The following GCH1 variants were observed in gnomAD, a reference collection of about 807,000 sequenced individuals.
GCH1 encodes GTP cyclohydrolase 1.
GCH1 carries 5 observed loss-of-function variants against 25.9 expected under a neutral mutation model. The observed-to-expected ratio is 0.19, with a 90% CI of 0.10 to 0.41. The LOEUF is 0.41. Among genes scored for constraint, GCH1 ranks in the 10% least tolerant of loss-of-function variants. The pLI is 1.00. For missense variants in GCH1, 261 were observed against 336.5 expected (o/e 0.78, Z 1.75); for synonymous variants, 159 against 129.6 (o/e 1.23, Z -1.54).
intron 3 of GCH1, among the ~76,000 whole-genome samples, chr14:54,853,391 G>C (rs1331568088): frequency 6.6e-6 from 1 of 152,106 alleles, no homozygotes; most frequent in Non-Finnish European, 1.5e-5. Context: ...GCTCTTCCTA[G>C]AATAATGCTA....
At chr14:54,888,492 G>A (rs1320737184) in intron 1 of GCH1, among the ~76,000 whole-genome samples, 8 of 151,140 alleles carry the variant, frequency 5.3e-5, no homozygotes, top group African/African-American at 1.9e-4. Flanking sequence ...CATTACAGCA[G>A]CACAAAGCTT....
chr14:54,883,833 G>A (rs2040309441), intron 1 of GCH1, among the ~76,000 whole-genome samples: 1 of 152,156 alleles, frequency 6.6e-6, no homozygotes, highest in Admixed American at 6.5e-5. Context: ...GCCTGGGGCA[G>A]GGGTGGGGTG....
In GCH1 at chr14:54,842,788, C is replaced by G. The variant is rs554045962; in HGVS notation, c.*1229G>C. 2 of 398,370 alleles carry G rather than the reference C, an allele frequency of 5.0e-6. No individual in the cohort carries two copies. Among genetic ancestry groups the G allele is most frequent in the South Asian group, 2.4e-4 (2 of 8,388 alleles). 24.7% of individuals were successfully genotyped at this position (398,370 alleles called of 1,614,324 possible). ...TTTGTTTGTTTTAATTTGGCCCACG[C>G]TGCCCCAATGGAGGAAATTTTAAGA... is the stretch of plus-strand genomic sequence containing the variant. On this transcript the variant is annotated 3_prime_UTR_variant, in exon 6 of 6. Coordinates refer to ENST00000491895, the MANE Select transcript of GCH1 (RefSeq NM_000161.3).
At chr14:54,885,643 C>T (rs1247108191) in intron 1 of GCH1, 1 of 290,730 alleles carries the variant, frequency 3.4e-6, no homozygotes, top group Non-Finnish European at 6.7e-6. Flanking sequence ...AATCCCAGCA[C>T]TTTGGGAGGC....
At position 54,861,488 on chromosome 14, in the gene GCH1, C is replaced by T. The variant is rs1160631593; in HGVS notation, c.454-1752G>A. Among the ~76,000 whole-genome samples the T allele has an allele frequency of 2.6e-5, 4 of 151,916 alleles. No individual in the cohort carries two copies. In the East Asian group the frequency reaches 7.7e-4, roughly 29 times the overall value. ...TGGTGGCTCACACCTGTAATTCCAA[C>T]ATTTTGGGTGGATTGCCTGAGGTCA... On this transcript the variant is annotated intron_variant, in intron 2 of 5. Transcript: ENST00000491895.
In GCH1 at chr14:54,880,771, CTCCATATATATATAT is replaced by C. The variant is rs1306782737; in HGVS notation, c.344-15350_344-15336del. Among the ~76,000 whole-genome samples, 108 of 69,940 alleles carry C rather than the reference CTCCATATATATATAT, an allele frequency of 1.5e-3. 9 individuals carry two copies. The highest frequency in any genetic ancestry group is 4.1e-3 in the African/African-American group (55 of 13,508). 45.9% of individuals were successfully genotyped at this position (69,940 alleles called of 152,430 possible). A position where few individuals can be genotyped will look rare whatever the true frequency, so the allele number is the denominator to read the frequency against. On this transcript the variant is annotated intron_variant, in intron 1 of 5. Coordinates refer to ENST00000491895, the MANE Select transcript of GCH1 (RefSeq NM_000161.3). ...TATATACTCCATATATATATATATA[CTCCATATATATATAT>C]ACTCCATATATATATATATACTCCA...
chr14:54,885,348 C>A, intron 1 of GCH1: 1 of 262,598 alleles, frequency 3.8e-6, no homozygotes, highest in East Asian at 1.0e-4. Context: ...CCACATTGCT[C>A]TGGGGGGCTG....
intron 3 of GCH1, among the ~76,000 whole-genome samples, chr14:54,857,307 A>T (rs2140059563): frequency 6.6e-6 from 1 of 152,256 alleles, no homozygotes; most frequent in East Asian, 1.9e-4. Context: ...TGGAAAGGAA[A>T]TAACTAAGAT....
chr14:54,874,381 A>G (rs1454477197), intron 1 of GCH1, among the ~76,000 whole-genome samples: 1 of 152,214 alleles, frequency 6.6e-6, no homozygotes, highest in Non-Finnish European at 1.5e-5. Flanking sequence ...CCCACAGCCA[A>G]TGTCATACTG....
At chr14:54,864,345 T>C (rs1414458906) in intron 2 of GCH1, among the ~76,000 whole-genome samples, 1 of 152,238 alleles carries the variant, frequency 6.6e-6, no homozygotes, top group Admixed American at 6.5e-5. Flanking sequence ...CTGCTTCTTG[T>C]AAGTCTTCTG....
chr14:54,893,059 A>G (rs2040443658), intron 1 of GCH1, among the ~76,000 whole-genome samples: 1 of 152,226 alleles, frequency 6.6e-6, no homozygotes, highest in Non-Finnish European at 1.5e-5. Flanking sequence ...AGCCTGGGTG[A>G]CAGAGCAAGA....
intron 2 of GCH1, among the ~76,000 whole-genome samples, chr14:54,863,481 C>A (rs1594987314): frequency 2.1e-5 from 1 of 47,306 alleles, no homozygotes; most frequent in Non-Finnish European, 4.2e-5. Context: ...GTATTGACAG[C>A]AGTATTGTTT....
chr14:54,845,217 C>T (rs530026350), intron 5 of GCH1, among the ~76,000 whole-genome samples: 53 of 151,966 alleles, frequency 3.5e-4, no homozygotes, highest in African/African-American at 1.2e-3. Context: ...CAGGGGCTCA[C>T]GCCTGTAATC....
Position 54,902,793 on chromosome 14 carries a change from A to G in GCH1, c.-130T>C, listed in dbSNP as rs1321897609. The stretch of plus-strand genomic sequence containing the variant: ...CCTGAGGAAGGTACGCAACCTGCTT[A>G]GATCACACTCCGAGCCGGGAGCGGC... On this transcript the variant is annotated 5_prime_UTR_variant, in exon 1 of 6. Coordinates refer to ENST00000491895, the MANE Select transcript of GCH1 (RefSeq NM_000161.3). 23 of 1,191,602 alleles carry G rather than the reference A, an allele frequency of 1.9e-5. No individual in the cohort carries two copies. The highest frequency in any genetic ancestry group is 1.8e-5 in the Non-Finnish European group (17 of 930,860). 73.8% of individuals were successfully genotyped at this position (1,191,602 alleles called of 1,614,324 possible). A position where few individuals can be genotyped will look rare whatever the true frequency, so the allele number is the denominator to read the frequency against.
At chr14:54,861,081 G>A (rs376538835) in intron 2 of GCH1, among the ~76,000 whole-genome samples, 7 of 152,094 alleles carry the variant, frequency 4.6e-5, no homozygotes, top group African/African-American at 1.7e-4. Flanking sequence ...TTAATTAACC[G>A]AATATAAAAT....
At chr14:54,875,623 A>G (rs1171498380) in intron 1 of GCH1, among the ~76,000 whole-genome samples, 2 of 152,228 alleles carry the variant, frequency 1.3e-5, no homozygotes, top group Non-Finnish European at 2.9e-5. Flanking sequence ...AAACAAATTT[A>G]CAAGAAAAAA....
chr14:54,886,063 T>C, intron 1 of GCH1: 1 of 204,716 alleles, frequency 4.9e-6, no homozygotes, highest in Non-Finnish European at 1.0e-5. Flanking sequence ...AGTGGCAGTG[T>C]ACTCCAGGAC....
rs2039634233 is a variant in GCH1 at position 54,845,806 on chromosome 14, G to A, written c.588C>T (p.Ala196=). 2 of 1,610,944 alleles carry A rather than the reference G, an allele frequency of 1.2e-6. No individual in the cohort carries two copies. Among genetic ancestry groups the A allele is most frequent in the Non-Finnish European group, 1.7e-6 (2 of 1,177,182 alleles). ...TKQIAVAITE[A]LRPAGVGVVV... is the part of the protein sequence containing the mutation. ...CTACCCCGACTCCAGCAGGCCGCAA[G>A]GCTTCCGTGATTGCTACAGCAATTT... is the stretch of plus-strand genomic sequence containing the variant. The change falls in exon 5 of 6, where the codon GCC becomes GCT. Residue 196 remains alanine (A), a synonymous_variant. Transcript: ENST00000491895.
chr14:54,883,350 C>G (rs988561412), intron 1 of GCH1, among the ~76,000 whole-genome samples: 1 of 113,406 alleles, frequency 8.8e-6, no homozygotes, highest in South Asian at 3.1e-4. Context: ...CTAGCCTGGG[C>G]GACAGAGTGA....
Sources: gnomAD v4.1 joint callset for allele counts (sites outside exome capture counted in the v4.1 genomes callset) on GRCh38, gnomAD v4.1.1 for gene constraint, MANE v1.5 for transcripts, NCBI Gene and HGNC (gene_info 2026-07-23, HGNC 2026-07-21) for gene names.